The following VAV2 variants were observed in gnomAD, a reference collection of about 807,000 sequenced individuals.
VAV2 encodes the protein vav guanine nucleotide exchange factor 2, also known as guanine nucleotide exchange factor VAV2.
A neutral mutation model predicts 132.5 loss-of-function variants in VAV2; 67 were observed. The observed-to-expected ratio is 0.51, with a 90% confidence interval of 0.42 to 0.62. The LOEUF (loss-of-function observed/expected upper bound fraction) is 0.62, where lower values mean the gene tolerates loss of function less well. Among genes scored for constraint, VAV2 ranks in the 20% least tolerant of loss-of-function variants. VAV2 has a pLI of 0.00. For missense variants in VAV2, 938 were observed against 1,153.6 expected (o/e 0.81, Z 2.71); for synonymous variants, 492 against 443.5 (o/e 1.11, Z -1.37).
intron 2 of VAV2, among the ~76,000 whole-genome samples, chr9:133,920,420 G>T (rs1489143004): frequency 6.6e-6 from 1 of 152,216 alleles, no homozygotes; most frequent in Non-Finnish European, 1.5e-5. Context: ...AGAAGAGGCG[G>T]TGCTGGGCTG....
At position 133,910,646 on chromosome 9, in the gene VAV2, T is replaced by TAA. The variant is rs377220826; in HGVS notation, c.321+28455_321+28456dup. On this transcript the variant is annotated intron_variant, in intron 2 of 29. Transcript: ENST00000371850. The stretch of plus-strand genomic sequence containing the variant: ...TAACACGGTGAAACCCCGACTCTAC[T>TAA]AAAAAAAAAAAAAAAAAATTACAAA... Among the ~76,000 whole-genome samples the TAA allele has an allele frequency of 1.2e-4, 16 of 138,596 alleles. No individual in the cohort carries two copies. In the East Asian group the frequency reaches 2.3e-3, roughly 20 times the overall value. The allele number at this position is 138,596 out of a possible 152,430, so 90.9% of individuals were successfully genotyped here.
At chr9:133,937,392 C>G (rs10993871) in intron 2 of VAV2, among the ~76,000 whole-genome samples, 1 of 146,736 alleles carries the variant, frequency 6.8e-6, no homozygotes, top group Non-Finnish European at 1.5e-5. Context: ...CCATGGATGT[C>G]TGTGTCAATG....
At chr9:133,901,313 C>T (rs1048489158) in intron 2 of VAV2, among the ~76,000 whole-genome samples, 2 of 152,230 alleles carry the variant, frequency 1.3e-5, no homozygotes, top group African/African-American at 4.8e-5. Context: ...CAGATCGTCT[C>T]CTCCCGAGCC....
intron 2 of VAV2, among the ~76,000 whole-genome samples, chr9:133,864,716 A>G (rs538151437): frequency 5.0e-4 from 76 of 152,238 alleles, no homozygotes; most frequent in Non-Finnish European, 1.0e-3. Context: ...CTGTCCCCTA[A>G]GGACTGGCCA....
rs1467475063 is a variant in VAV2 at position 133,823,510 on chromosome 9, TGTCA to T, written c.449+10758_449+10761del. Among the ~76,000 whole-genome samples, 1 of 152,134 alleles carries T rather than the reference TGTCA, an allele frequency of 6.6e-6. No individual in the cohort carries two copies. The highest frequency in any genetic ancestry group is 1.5e-5 in the Non-Finnish European group (1 of 68,032). On this transcript the variant is annotated intron_variant, in intron 4 of 29. Transcript: ENST00000371850. The surrounding 1 kb of genome is among the most constrained non-coding windows in gnomAD (Gnocchi z 5.5). ...GCAATATTTCTTAAGTGCCACTGTG[TGTCA>T]GTCAGATCTACGCTGAATACAAGGG... is the stretch of plus-strand genomic sequence containing the variant.
At chr9:133,871,467 CGGAT>C (rs149156422) in intron 2 of VAV2, among the ~76,000 whole-genome samples, 78,935 of 140,346 alleles carry the variant, frequency 0.56, 23,154 homozygotes, top group East Asian at 0.72. Flanking sequence ...GATGGAGAAG[CGGAT>C]GGATGGATGG....
intron 1 of VAV2, among the ~76,000 whole-genome samples, chr9:133,958,935 G>A (rs1029508535): frequency 6.6e-5 from 10 of 152,216 alleles, no homozygotes; most frequent in East Asian, 1.9e-4. Flanking sequence ...CCAGGCCTGC[G>A]AGGTGCTCCC....
chr9:133,911,612 A>G (rs542561310), intron 2 of VAV2, among the ~76,000 whole-genome samples: 1 of 152,334 alleles, frequency 6.6e-6, no homozygotes, highest in South Asian at 2.1e-4. Flanking sequence ...CTGTATGGCC[A>G]GTGTCACTCC....
intron 1 of VAV2, among the ~76,000 whole-genome samples, chr9:133,958,013 G>C (rs4744538): frequency 0.53 from 61,519 of 116,888 alleles, 17,384 homozygotes; most frequent in East Asian, 0.75. Flanking sequence ...CAGCATGCTC[G>C]TTAAGAGTCA....
chr9:133,988,964 C>A (rs1267725363), intron 1 of VAV2, among the ~76,000 whole-genome samples: 2 of 152,166 alleles, frequency 1.3e-5, no homozygotes, highest in Non-Finnish European at 2.9e-5. Context: ...GTAATCCCAA[C>A]ACTTAGGGAG....
rs747209081 is a variant in VAV2, at chr9:133,788,434, T to C, written c.1327A>G (p.Ser443Gly). Residue 443 changes from serine (S) to glycine (G), a missense_variant, in exon 15 of 30, where the codon AGC (serine) becomes GGC (glycine). Physicochemically the swap from Ser to Gly is moderately conservative, Grantham distance 56 (BLOSUM62 0). Coordinates refer to ENST00000371850, the MANE Select transcript of VAV2 (RefSeq NM_001134398.2). This position sits in a 1 kb window ranked among gnomAD's most constrained non-coding sequence, Gnocchi z 5.3. The part of the protein sequence containing the change: ...VVIVCKRKGY[S>G]YELKEIIELL... ...TCGATGATCTCCTTGAGCTCGTAGC[T>C]GTAGCCCTTCCGCTTGCAGACGATG... The C allele has an allele frequency of 6.2e-7, 1 of 1,612,484 alleles. No homozygotes were observed. The highest frequency in any genetic ancestry group is 8.5e-7 in the Non-Finnish European group (1 of 1,178,682).
At chr9:133,765,353 C>CACA (rs1324051904) in intron 29 of VAV2, among the ~76,000 whole-genome samples, 2 of 152,124 alleles carry the variant, frequency 1.3e-5, no homozygotes, top group East Asian at 1.9e-4. Context: ...AAGTTAATGT[C>CACA]ACAAATAATG....
intron 1 of VAV2, among the ~76,000 whole-genome samples, chr9:133,949,424 C>A (rs989014040): frequency 1.1e-4 from 17 of 152,342 alleles, no homozygotes; most frequent in African/African-American, 4.1e-4. Context: ...CACGTGGCAC[C>A]CGCTAGGGCT....
At chr9:133,784,188 T>C in intron 18 of VAV2, 129 bp downstream of exon 18, 7 of 997,792 alleles carry the variant, frequency 7.0e-6, no homozygotes, top group Non-Finnish European at 1.1e-5. Context: ...CTGACTCTTG[T>C]GGGGTATACT....
At position 133,842,191 on chromosome 9, in the gene VAV2, G is replaced by T. The variant is rs201723454; in HGVS notation, c.381-7851C>A. 2.0e-5 allele frequency among the ~76,000 whole-genome samples: 3 copies of T among 152,378 alleles called. No homozygotes were observed. In the East Asian group the frequency reaches 5.8e-4, roughly 29 times the overall value. ...CCCACACTCTGCTGGCATCTCAGGT[G>T]AAGGATCCAGGGCTTGAGACAGTCC... is the stretch of plus-strand genomic sequence containing the variant. On this transcript the variant is annotated intron_variant, in intron 3 of 29. Transcript: ENST00000371850.
intron 2 of VAV2, among the ~76,000 whole-genome samples, chr9:133,882,178 G>C (rs555469562): frequency 6.6e-6 from 1 of 152,360 alleles, no homozygotes; most frequent in East Asian, 1.9e-4. Flanking sequence ...GAGATTCCAG[G>C]GCAGGAAGCA....
intron 3 of VAV2, among the ~76,000 whole-genome samples, chr9:133,842,115 G>A (rs141390330): frequency 0.011 from 1,604 of 152,308 alleles, 31 homozygotes; most frequent in African/African-American, 0.037. Context: ...ACAGAAATCA[G>A]TGCTTGGCTC....
rs1185747813 is a variant in VAV2 at position 133,763,633 on chromosome 9, G to C, written c.*429C>G. On this transcript the variant is annotated 3_prime_UTR_variant, in exon 30 of 30. Transcript: ENST00000371850. The surrounding 1 kb of genome is among the most constrained non-coding windows in gnomAD (Gnocchi z 6.8). ...AAGACAGGCAAGGCTGAGTCCAGGG[G>C]CTGAGCAGAGGGTGTGGGGGCAGGT... The C allele has an allele frequency of 5.1e-6, 1 of 197,280 alleles. No individual in the cohort carries two copies. Among genetic ancestry groups the C allele is most frequent in the Admixed American group, 5.5e-5 (1 of 18,228 alleles). The allele number at this position is 197,280 out of a possible 1,614,324, so 12.2% of individuals were successfully genotyped here.
In VAV2 at chr9:133,898,424, A is replaced by T. The variant is rs1175982878; in HGVS notation, c.322-36992T>A. 2.0e-5 allele frequency among the ~76,000 whole-genome samples: 3 copies of T among 146,728 alleles called. No homozygotes were observed. The East Asian group carries it at 5.9e-4, about 29-fold the overall frequency. The stretch of plus-strand genomic sequence containing the variant: ...GCCAACATGGCAAAACCTTGTCTCT[A>T]CTAAAAAAAAAATACAAAAATCAGC... On this transcript the variant is annotated intron_variant, in intron 2 of 29. Coordinates refer to ENST00000371850, the MANE Select transcript of VAV2 (RefSeq NM_001134398.2).
Sources: allele counts gnomAD v4.1 joint callset (sites outside exome capture counted in the v4.1 genomes callset), GRCh38; gene constraint gnomAD v4.1.1; non-coding constraint Gnocchi (gnomAD v3.1); transcripts MANE v1.5; gene names NCBI Gene and HGNC (gene_info 2026-07-23, HGNC 2026-07-21).